Variants in CSMD3 observed in about 807,000 individuals in gnomAD.
CSMD3 encodes the protein CUB and sushi domain-containing protein 3.
In CSMD3, 177 loss-of-function variants were observed where a neutral mutation model predicts 435.2. The ratio of observed to expected loss-of-function variants is 0.41; its 90% CI spans 0.36 to 0.46. The LOEUF is 0.46. Among genes scored for constraint, CSMD3 ranks in the 20% least tolerant of loss-of-function variants. The pLI, the probability that CSMD3 is intolerant of heterozygous loss-of-function variation, is 0.34. For missense variants in CSMD3, 4,265 were observed against 4,504.6 expected, an observed-to-expected ratio of 0.95 and a Z score of 1.52; for synonymous variants, 1,656 against 1,520.5, an observed-to-expected ratio of 1.09 and a Z score of -2.07.
At chr8:113,021,217 A>G (rs1304134831) in intron 5 of CSMD3, among the ~76,000 whole-genome samples, 1 of 152,184 alleles carries the variant, frequency 6.6e-6, no homozygotes, top group Non-Finnish European at 1.5e-5. Context: ...TTAGTTAACA[A>G]AAATATATAA....
chr8:112,272,111 C>T lies in CSMD3; in HGVS notation c.9509-6521G>A, dbSNP rs574458199. Among the ~76,000 whole-genome samples, 8 of 152,292 alleles carry T rather than the reference C, an allele frequency of 5.3e-5. No individual in the cohort carries two copies. In the South Asian group the frequency reaches 1.7e-3, roughly 32 times the overall value. On this transcript the variant is annotated intron_variant, in intron 59 of 70. Transcript: ENST00000297405. ...CTTAGAAGCAACAAGTAGCCCTCAC[C>T]AGACACAGGATCTGCTAGCACCTTG...
At chr8:113,149,066 A>G (rs1292267032) in intron 4 of CSMD3, among the ~76,000 whole-genome samples, 1 of 151,806 alleles carries the variant, frequency 6.6e-6, no homozygotes, top group Non-Finnish European at 1.5e-5. Flanking sequence ...TTATGGAATC[A>G]AGATCAAAAT....
intron 13 of CSMD3, among the ~76,000 whole-genome samples, chr8:112,719,552 G>A (rs1398326822): frequency 1.3e-5 from 2 of 152,102 alleles, no homozygotes; most frequent in African/African-American, 4.8e-5. Context: ...GAAAAAGAGA[G>A]AGACAGACGG....
chr8:112,982,362 T>A (rs2085085113), intron 6 of CSMD3, among the ~76,000 whole-genome samples: 3 of 151,930 alleles, frequency 2.0e-5, no homozygotes. Context: ...GGCATCATTG[T>A]TACATTTCAC....
intron 3 of CSMD3, among the ~76,000 whole-genome samples, chr8:113,209,282 T>G (rs558675428): frequency 6.6e-6 from 1 of 152,278 alleles, no homozygotes; most frequent in Admixed American, 6.5e-5. Context: ...GTCTTTGGCC[T>G]CTAAAAGGTT....
intron 32 of CSMD3, among the ~76,000 whole-genome samples, chr8:112,409,688 T>C (rs978446973): frequency 1.3e-5 from 2 of 152,052 alleles, no homozygotes; most frequent in African/African-American, 4.8e-5. Flanking sequence ...CCATGGTAAG[T>C]ACAGTTCTGA....
At chr8:113,348,879 C>A (rs755447255) in intron 1 of CSMD3, among the ~76,000 whole-genome samples, 8 of 152,044 alleles carry the variant, frequency 5.3e-5, no homozygotes, top group Middle Eastern at 3.4e-3. Context: ...ACACAATATG[C>A]AAAAACTCTG....
chr8:112,336,747 A>G lies in CSMD3; in HGVS notation c.6924T>C (p.Asp2308=), dbSNP rs2130958006. 3 of 1,613,262 alleles carry G rather than the reference A, an allele frequency of 1.9e-6. No homozygotes were observed. The highest frequency in any genetic ancestry group is 1.7e-6 in the Non-Finnish European group (2 of 1,179,336). Reference sequence around the variant, plus strand: ...GGGGTACTCTTACAAGCCAAAAACAATCTTGAAAGTTTGGATATTCATCAG... The same window carrying G: ...GGGGTACTCTTACAAGCCAAAAACAGTCTTGAAAGTTTGGATATTCATCAG... ...GYPDEYPNFQ[D]CFWLVRVPPG... is the part of the protein sequence containing the mutation. The change falls in exon 44 of 71, where the codon GAT becomes GAC. Residue 2308 remains aspartate (D), a synonymous_variant. Transcript: ENST00000297405.
chr8:112,554,494 T>C (rs1015565771), intron 25 of CSMD3, among the ~76,000 whole-genome samples: 3 of 152,014 alleles, frequency 2.0e-5, no homozygotes, highest in African/African-American at 7.2e-5. Context: ...ATTTATGATT[T>C]ATCACTATTT....
intron 1 of CSMD3, among the ~76,000 whole-genome samples, chr8:113,400,298 A>G (rs1004488214): frequency 6.6e-6 from 1 of 151,928 alleles, no homozygotes; most frequent in Non-Finnish European, 1.5e-5. Context: ...TCTGATATTG[A>G]TGATCAGCAT....
intron 1 of CSMD3, among the ~76,000 whole-genome samples, chr8:113,433,746 A>G (rs1239895361): frequency 6.6e-6 from 1 of 152,144 alleles, no homozygotes; most frequent in African/African-American, 2.4e-5. Context: ...CATCCCATGG[A>G]TGTCTCTTTA....
intron 41 of CSMD3, 45 bp from the exon 42 acceptor site, chr8:112,341,731 A>AATTAAACATAAATATACACAT (rs1390543866): frequency 8.3e-7 from 1 of 1,210,868 alleles, no homozygotes; most frequent in East Asian, 2.4e-5. Flanking sequence ...TGCTTTACCG[A>AATTAAACATAAATATACACAT]ATTAAACATA....
intron 55 of CSMD3, 75 bp from the exon 56 acceptor site, chr8:112,291,770 G>T (rs2130680671): frequency 2.2e-6 from 2 of 924,914 alleles, no homozygotes; most frequent in Non-Finnish European, 1.7e-6. Flanking sequence ...TATTAGAAAT[G>T]TACATACTTA....
At chr8:112,390,018 G>A (rs1830284502) in intron 36 of CSMD3, among the ~76,000 whole-genome samples, 1 of 152,158 alleles carries the variant, frequency 6.6e-6, no homozygotes, top group African/African-American at 2.4e-5. Context: ...AGTGAGAGAT[G>A]TGTGCATAAT....
At chr8:112,781,374 T>C (rs757322019) in intron 13 of CSMD3, among the ~76,000 whole-genome samples, 1 of 152,028 alleles carries the variant, frequency 6.6e-6, no homozygotes, top group Non-Finnish European at 1.5e-5. Context: ...AAAAGAACTT[T>C]GTCTTGCAAC....
At chr8:113,377,562 T>A (rs1033346118) in intron 1 of CSMD3, among the ~76,000 whole-genome samples, 1 of 152,188 alleles carries the variant, frequency 6.6e-6, no homozygotes, top group African/African-American at 2.4e-5. Flanking sequence ...ATATTTTTAA[T>A]CCAAAGAAGG....
Position 112,263,730 on chromosome 8 carries a change from G to A in CSMD3, c.9771C>T (p.Tyr3257=), listed in dbSNP as rs1816663862. 1.9e-6 allele frequency: 3 copies of A among 1,613,776 alleles called. No homozygotes were observed. The highest frequency in any genetic ancestry group is 1.7e-6 in the Non-Finnish European group (2 of 1,179,732). The change falls in exon 61 of 71, where the codon TAC becomes TAT. Residue 3257 remains tyrosine (Y), a synonymous_variant. Transcript: ENST00000297405. ...ATAGCTCATAGCCTGGAGAACAGAT[G>A]TAGCTAATACTAAAGCCCCAGTCGA... The part of the protein sequence containing the change: ...TNFDWGFSIS[Y]ICSPGYELSF...
chr8:112,237,152 C>A (rs201309477), intron 67 of CSMD3, 38 bp downstream of exon 67: 2 of 1,594,826 alleles, frequency 1.3e-6, no homozygotes, highest in Non-Finnish European at 1.7e-6. Flanking sequence ...GAAATAAAGT[C>A]ATGAAGGTAT....
intron 6 of CSMD3, among the ~76,000 whole-genome samples, chr8:112,997,862 G>A (rs1304516058): frequency 1.4e-5 from 2 of 145,754 alleles, no homozygotes; most frequent in Non-Finnish European, 1.5e-5. Flanking sequence ...GTATATGTGT[G>A]TATATATATA....
Sources: gnomAD v4.1 joint callset for allele counts (sites outside exome capture counted in the v4.1 genomes callset) on GRCh38, gnomAD v4.1.1 for gene constraint, MANE v1.5 for transcripts, NCBI Gene and HGNC (gene_info 2026-07-23, HGNC 2026-07-21) for gene names.